The following ST8SIA5 variants were observed in gnomAD, a reference collection of about 807,000 sequenced individuals.
ST8SIA5 encodes ST8 alpha-N-acetyl-neuraminide alpha-2,8-sialyltransferase 5.
Under a neutral mutation model 40.2 loss-of-function variants are expected in ST8SIA5, and 24 were observed. That is an observed-to-expected ratio of 0.60 (90% CI 0.43 to 0.84). ST8SIA5 has a LOEUF of 0.84. Ranked by LOEUF, ST8SIA5 falls within the 40% of genes least tolerant of loss-of-function variation. ST8SIA5 has a pLI of 0.00. For missense variants in ST8SIA5, 465 were observed against 498.5 expected (o/e 0.93, Z 0.64); for synonymous variants, 198 against 201.8 (o/e 0.98, Z 0.16).
At chr18:46,745,512 A>C (rs150213636) in intron 1 of ST8SIA5, among the ~76,000 whole-genome samples, 10,561 of 152,274 alleles carry the variant, frequency 0.069, 443 homozygotes, top group Non-Finnish European at 0.1. Context: ...CCAAGACTAA[A>C]CCAGGAAGAA....
chr18:46,739,458 C>T (rs1285342255), intron 1 of ST8SIA5, among the ~76,000 whole-genome samples: 1 of 152,114 alleles, frequency 6.6e-6, no homozygotes, highest in African/African-American at 2.4e-5. Flanking sequence ...TGCTTGAACC[C>T]GGGAGGCGGA....
At chr18:46,693,876 C>T (rs539575855) in intron 2 of ST8SIA5, among the ~76,000 whole-genome samples, 3 of 152,324 alleles carry the variant, frequency 2.0e-5, no homozygotes, top group Middle Eastern at 3.4e-3. Flanking sequence ...GTCACAGATC[C>T]GCTTTAGCAT....
At chr18:46,704,777 C>G in intron 1 of ST8SIA5, 113 bp from the exon 2 acceptor site, 6 of 857,978 alleles carry the variant, frequency 7.0e-6, no homozygotes, top group Non-Finnish European at 1.1e-5. Context: ...ATAAAGCCAA[C>G]CAGCCCCATC....
rs559629888 is a variant in ST8SIA5 at position 46,688,346 on chromosome 18, C to T, written c.456+429G>A. Among the ~76,000 whole-genome samples, 16 of 152,318 alleles carry T rather than the reference C, an allele frequency of 1.1e-4. No homozygotes were observed. In the South Asian group the frequency reaches 1.2e-3, roughly 12 times the overall value. On this transcript the variant is annotated intron_variant, in intron 4 of 6. Coordinates refer to ENST00000315087, the MANE Select transcript of ST8SIA5 (RefSeq NM_013305.6). ...CTTTGAAAGACAAAATATCTGCCCA[C>T]GGTCATCAAGTGAGCTGAATCTTTC...
intron 1 of ST8SIA5, among the ~76,000 whole-genome samples, chr18:46,735,360 T>C (rs993537609): frequency 6.6e-6 from 1 of 152,250 alleles, no homozygotes; most frequent in Admixed American, 6.5e-5. Context: ...CTATTAGTTC[T>C]GTGCCTCTAG....
Position 46,670,286 on chromosome 18 carries a change from G to A in ST8SIA5, c.*9756C>T, listed in dbSNP as rs187229969. On this transcript the variant is annotated 3_prime_UTR_variant, in exon 7 of 7. Transcript: ENST00000315087. ...ACAGTGTATTGAACATTGTTGGAAC[G>A]CTTTTTTACCTCTGCATGTCCTGGA... 9.2e-5 allele frequency: 14 copies of A among 152,272 alleles called. No homozygotes were observed. The highest frequency in any genetic ancestry group is 1.9e-4 in the East Asian group (1 of 5,188). 9.4% of individuals were successfully genotyped at this position (152,272 alleles called of 1,614,324 possible).
chr18:46,703,247 G>C (rs538175761), intron 2 of ST8SIA5, among the ~76,000 whole-genome samples: 2 of 152,268 alleles, frequency 1.3e-5, no homozygotes, highest in South Asian at 2.1e-4. Flanking sequence ...CTGGGTTCAC[G>C]CCATTCTCCT....
chr18:46,684,689 A>G (rs1310419010), intron 5 of ST8SIA5, among the ~76,000 whole-genome samples: 2 of 152,142 alleles, frequency 1.3e-5, no homozygotes, highest in Non-Finnish European at 2.9e-5. Flanking sequence ...ATTTAAGACT[A>G]ATTTTTCTGA....
At position 46,704,556 on chromosome 18, in the gene ST8SIA5, A is replaced by T. The variant is rs745626293; in HGVS notation, c.224+16T>A. 3.7e-6 allele frequency: 6 copies of T among 1,607,212 alleles called. No individual in the cohort carries two copies. The South Asian group carries it at 6.6e-5, about 18-fold the overall frequency. Reference sequence around the variant, plus strand: ...TCCACATGCTCCCTGCACCCACCACAAATGGCCACACTCACATGGACAGCA... The same window carrying T: ...TCCACATGCTCCCTGCACCCACCACTAATGGCCACACTCACATGGACAGCA... On this transcript the variant is annotated intron_variant, in intron 2 of 6. Coordinates refer to ENST00000315087, the MANE Select transcript of ST8SIA5 (RefSeq NM_013305.6).
intron 1 of ST8SIA5, among the ~76,000 whole-genome samples, chr18:46,704,975 G>C (rs9961033): frequency 0.32 from 48,681 of 152,142 alleles, 8,197 homozygotes; most frequent in Admixed American, 0.37. Flanking sequence ...GGGAAGGAGA[G>C]GGGAGGAGGA....
intron 6 of ST8SIA5, among the ~76,000 whole-genome samples, chr18:46,681,333 T>C (rs1296412453): frequency 6.6e-6 from 1 of 152,184 alleles, no homozygotes; most frequent in Admixed American, 6.5e-5. Flanking sequence ...CTTTGCTGTC[T>C]CTTCCCGCCC....
intron 1 of ST8SIA5, among the ~76,000 whole-genome samples, chr18:46,718,318 A>T (rs2039814048): frequency 1.4e-5 from 2 of 139,588 alleles, no homozygotes; most frequent in Non-Finnish European, 3.1e-5. Context: ...CAATGGAGTG[A>T]AACTCTGTCT....
At chr18:46,725,680 C>T (rs1216560678) in intron 1 of ST8SIA5, among the ~76,000 whole-genome samples, 1 of 151,198 alleles carries the variant, frequency 6.6e-6, no homozygotes, top group Non-Finnish European at 1.5e-5. Context: ...ACTCATTTAC[C>T]TCAAAAAAAC....
At chr18:46,712,146 A>T (rs2039738889) in intron 1 of ST8SIA5, among the ~76,000 whole-genome samples, 1 of 152,176 alleles carries the variant, frequency 6.6e-6, no homozygotes. Flanking sequence ...GAGTATGTAC[A>T]TGATGACCTT....
Position 46,698,180 on chromosome 18 carries a change from A to C in ST8SIA5, c.225-5925T>G, listed in dbSNP as rs557979452. ...CCACCACACCAACAATCACAACAAT[A>C]ATCCAATAACTCATCACACCAACAA... is the stretch of plus-strand genomic sequence containing the variant. On this transcript the variant is annotated intron_variant, in intron 2 of 6. Transcript: ENST00000315087. Among the ~76,000 whole-genome samples, 18 of 151,682 alleles carry C rather than the reference A, an allele frequency of 1.2e-4. No individual in the cohort carries two copies. In the South Asian group the frequency reaches 3.8e-3, roughly 32 times the overall value.
chr18:46,730,402 G>T, intron 1 of ST8SIA5: 1 of 235,766 alleles, frequency 4.2e-6, no homozygotes, highest in Non-Finnish European at 6.9e-6. Flanking sequence ...GCATATAAAG[G>T]CTTTTATATC....
intron 1 of ST8SIA5, chr18:46,730,196 G>A (rs1377442709): frequency 1.0e-6 from 1 of 985,164 alleles, no homozygotes; most frequent in African/African-American, 1.7e-5. Flanking sequence ...CATCCAAGCA[G>A]ATGACTCACC....
intron 1 of ST8SIA5, among the ~76,000 whole-genome samples, chr18:46,715,915 C>T (rs1270032664): frequency 6.6e-6 from 1 of 151,964 alleles, no homozygotes; most frequent in African/African-American, 2.4e-5. Context: ...ATCAATATGG[C>T]CTTTTTATTA....
At chr18:46,741,495 T>G (rs944814414) in intron 1 of ST8SIA5, among the ~76,000 whole-genome samples, 1 of 152,176 alleles carries the variant, frequency 6.6e-6, no homozygotes, top group African/African-American at 2.4e-5. Flanking sequence ...CATAAGTCAT[T>G]ACAGAGAATA....
Sources: allele counts gnomAD v4.1 joint callset (sites outside exome capture counted in the v4.1 genomes callset), GRCh38; gene constraint gnomAD v4.1.1; transcripts MANE v1.5; gene names NCBI Gene and HGNC (gene_info 2026-07-23, HGNC 2026-07-21).